Variants in RANBP3 observed in about 807,000 individuals in gnomAD.
RANBP3 encodes the protein RAN binding protein 3, also known as ran-binding protein 3.
A neutral mutation model predicts 77.3 loss-of-function variants in RANBP3; 14 were observed. The observed-to-expected ratio is 0.18, with a 90% CI of 0.12 to 0.28. The LOEUF is 0.28. Ranked by LOEUF, RANBP3 falls within the 10% of genes least tolerant of loss-of-function variation. The pLI is 1.00. For missense variants in RANBP3, 586 were observed against 752.3 expected, an observed-to-expected ratio of 0.78 and a Z score of 2.59; for synonymous variants, 315 against 312.4, an observed-to-expected ratio of 1.01 and a Z score of -0.09.
intron 2 of RANBP3, 115 bp from the exon 3 acceptor site, chr19:5,951,711 C>A (rs2058279030): frequency 5.2e-6 from 5 of 954,058 alleles, no homozygotes; most frequent in Admixed American, 2.2e-5. Flanking sequence ...AGCTCCTGCG[C>A]CTGGGAGGAA....
intron 9 of RANBP3, 32 bp from the exon 10 acceptor site, chr19:5,925,769 G>T (rs768696475): frequency 1.3e-6 from 2 of 1,577,010 alleles, no homozygotes; most frequent in South Asian, 1.1e-5. Flanking sequence ...CAGTAATCGG[G>T]GGTGGGGGGG....
In RANBP3 at chr19:5,978,056, C is replaced by T; in HGVS notation, c.22+5G>A. On this transcript the variant is annotated splice_donor_5th_base_variant and intron_variant, in intron 1 of 16. Transcript: ENST00000340578. ...CCAGCCGGTCCCCAACGGCGCCTCC[C>T]CTACCTTCGTTCGCCAGGTCCGCCA... The T allele has an allele frequency of 6.2e-7, 1 of 1,610,924 alleles. No individual in the cohort carries two copies. The highest frequency in any genetic ancestry group is 8.5e-7 in the Non-Finnish European group (1 of 1,178,786).
chr19:5,976,210 C>G (rs958824366), intron 1 of RANBP3, among the ~76,000 whole-genome samples: 4 of 152,114 alleles, frequency 2.6e-5, no homozygotes, highest in African/African-American at 9.7e-5. Flanking sequence ...ATGGGATGGG[C>G]AGGTGTAGTG....
Position 5,941,847 on chromosome 19 carries a change from A to G in RANBP3, c.283-12T>C. 3 of 1,612,068 alleles carry G rather than the reference A, an allele frequency of 1.9e-6. No individual in the cohort carries two copies. The highest frequency in any genetic ancestry group is 1.1e-5 in the South Asian group (1 of 90,982). ...CCGCCAGCTGACCTCTGAAACAAGGAGCACACAGCCGGGGTCAGAGGGCAT... is the reference window on the plus strand; with the variant it reads ...CCGCCAGCTGACCTCTGAAACAAGGGGCACACAGCCGGGGTCAGAGGGCAT... On this transcript the variant is annotated splice_polypyrimidine_tract_variant and intron_variant, in intron 3 of 16. Coordinates refer to ENST00000340578, the MANE Select transcript of RANBP3 (RefSeq NM_007322.3).
rs776423814 is a variant in RANBP3 at position 5,958,169 on chromosome 19, AATG to A, written c.23-199_23-197del. ...TGCTGGGTTTGTGAAATGCACCCAG[AATG>A]ATGTGACGTGTGCCCTCTGCTGTAT... is the stretch of plus-strand genomic sequence containing the variant. On this transcript the variant is annotated intron_variant, in intron 1 of 16. Coordinates refer to ENST00000340578, the MANE Select transcript of RANBP3 (RefSeq NM_007322.3). The surrounding 1 kb of genome is among the most constrained non-coding windows in gnomAD (Gnocchi z 4.4). Among the ~76,000 whole-genome samples the A allele has an allele frequency of 1.3e-5, 2 of 152,140 alleles. No homozygotes were observed. Among genetic ancestry groups the A allele is most frequent in the East Asian group, 3.9e-4 (2 of 5,180 alleles).
intron 3 of RANBP3, among the ~76,000 whole-genome samples, chr19:5,947,198 C>T (rs1008794121): frequency 6.6e-6 from 1 of 151,796 alleles, no homozygotes; most frequent in African/African-American, 2.4e-5. Flanking sequence ...CCTGTAATCC[C>T]AGCTACTCGG....
chr19:5,918,532 G>A lies in RANBP3; in HGVS notation c.1437C>T (p.Asp479=). 6.2e-7 allele frequency: 1 copy of A among 1,613,354 alleles called. No individual in the cohort carries two copies. Reference sequence around the variant, plus strand: ...AGACCTTCACGCCCTGGTCCTCGGTGTCCATGGCTGTGATGCGAATGCTCT... The same window carrying A: ...AGACCTTCACGCCCTGGTCCTCGGTATCCATGGCTGTGATGCGAATGCTCT... ...SEKSIRITAM[D]TEDQGVKVFL... Residue 479 remains aspartate (D), a synonymous_variant, in exon 15 of 17, where the codon GAC becomes GAT. Coordinates refer to ENST00000340578, the MANE Select transcript of RANBP3 (RefSeq NM_007322.3).
At chr19:5,967,560 G>C (rs1398315447) in intron 1 of RANBP3, among the ~76,000 whole-genome samples, 1 of 152,090 alleles carries the variant, frequency 6.6e-6, no homozygotes, top group Non-Finnish European at 1.5e-5. Flanking sequence ...ACCCCATGAG[G>C]GCCAAGCCAC....
rs2057745097 is a variant in RANBP3 at position 5,916,879 on chromosome 19, G to C, written c.*731C>G. The C allele has an allele frequency of 6.6e-6, 1 of 152,362 alleles. No homozygotes were observed. Among genetic ancestry groups the C allele is most frequent in the Non-Finnish European group, 1.5e-5 (1 of 68,186 alleles). The allele number at this position is 152,362 out of a possible 1,614,324, so 9.4% of individuals were successfully genotyped here. ...CCATGACTTGGCCTGGAGGAACCTG[G>C]GGTGGGAAACAAGTAGTCCCCCAAC... On this transcript the variant is annotated 3_prime_UTR_variant, in exon 17 of 17. Transcript: ENST00000340578.
chr19:5,972,724 C>T (rs1013378865), intron 1 of RANBP3, among the ~76,000 whole-genome samples: 2 of 152,124 alleles, frequency 1.3e-5, no homozygotes, highest in African/African-American at 4.8e-5. Context: ...ACTGTCTGAA[C>T]TCACGTAGGA....
Position 5,916,581 on chromosome 19 carries a change from T to G in RANBP3, c.*1029A>C, listed in dbSNP as rs750608000. ...GACTGCCTGTTCTGGGACCAGCCCC[T>G]GGGCTCTTCCACCAAGATTTGGTGA... is the stretch of plus-strand genomic sequence containing the variant. On this transcript the variant is annotated 3_prime_UTR_variant, in exon 17 of 17. Transcript: ENST00000340578. The G allele has an allele frequency of 2.0e-5, 3 of 152,536 alleles. No individual in the cohort carries two copies. The highest frequency in any genetic ancestry group is 4.4e-5 in the Non-Finnish European group (3 of 68,284). 9.4% of individuals were successfully genotyped at this position (152,536 alleles called of 1,614,324 possible). A position where few individuals can be genotyped will look rare whatever the true frequency, so the allele number is the denominator to read the frequency against.
rs907441346 is a variant in RANBP3, at chr19:5,921,044, G to C, written c.1330+157C>G. On this transcript the variant is annotated intron_variant, in intron 14 of 16. Coordinates refer to ENST00000340578, the MANE Select transcript of RANBP3 (RefSeq NM_007322.3). The surrounding 1 kb of genome is among the most constrained non-coding windows in gnomAD (Gnocchi z 5.3). Reference sequence around the variant, plus strand: ...GGTGTTGAGGGCTGGGTGCAGGGAGGGGGTTTGGGGGGCGGCTCTCATGGG... The same window carrying C: ...GGTGTTGAGGGCTGGGTGCAGGGAGCGGGTTTGGGGGGCGGCTCTCATGGG... 1 of 866,964 alleles carries C rather than the reference G, an allele frequency of 1.2e-6. No individual in the cohort carries two copies. The highest frequency in any genetic ancestry group is 1.7e-5 in the African/African-American group (1 of 57,772). 53.7% of individuals were successfully genotyped at this position (866,964 alleles called of 1,614,324 possible).
chr19:5,941,581 CATAA>C, intron 5 of RANBP3, 36 bp downstream of exon 5: 1 of 1,537,462 alleles, frequency 6.5e-7, no homozygotes, highest in Non-Finnish European at 9.0e-7. Context: ...GGTTTGTAAG[CATAA>C]ACGCTTTCAC....
Position 5,918,524 on chromosome 19 carries a change from T to C in RANBP3, c.1445A>G (p.Asp482Gly). ...GATCAGGAAGACCTTCACGCCCTGGTCCTCGGTGTCCATGGCTGTGATGCG... is the reference window on the plus strand; with the variant it reads ...GATCAGGAAGACCTTCACGCCCTGGCCCTCGGTGTCCATGGCTGTGATGCG... The part of the protein sequence containing the change: ...SIRITAMDTE[D>G]QGVKVFLISA... Residue 482 changes from aspartate to glycine, a missense_variant, in exon 15 of 17, where the codon GAC becomes GGC. Around this residue, in one of 5 missense-constraint regions of RANBP3, gnomAD observed 128 missense variants for 157.0 expected, o/e 0.82. Coordinates refer to ENST00000340578, the MANE Select transcript of RANBP3 (RefSeq NM_007322.3). 1.2e-6 allele frequency: 2 copies of C among 1,611,404 alleles called. No individual in the cohort carries two copies. Among genetic ancestry groups the C allele is most frequent in the Non-Finnish European group, 1.7e-6 (2 of 1,179,244 alleles).
chr19:5,918,483 GTGGC>G lies in RANBP3; in HGVS notation c.1473+9_1473+12del. 6.2e-7 allele frequency: 1 copy of G among 1,600,682 alleles called. No homozygotes were observed. The highest frequency in any genetic ancestry group is 8.5e-7 in the Non-Finnish European group (1 of 1,174,192). ...GATGAGGGGTCCCAGATGCACCCGC[GTGGC>G]TGGCTCACCGAGATCAGGAAGACCT... On this transcript the variant is annotated intron_variant, in intron 15 of 16. Coordinates refer to ENST00000340578, the MANE Select transcript of RANBP3 (RefSeq NM_007322.3).
At position 5,931,508 on chromosome 19, in the gene RANBP3, C is replaced by A. The variant is rs779033327; in HGVS notation, c.589G>T (p.Val197Phe). 60 of 1,611,076 alleles carry A rather than the reference C, an allele frequency of 3.7e-5. No homozygotes were observed. Among genetic ancestry groups the A allele is most frequent in the Non-Finnish European group, 4.8e-5 (57 of 1,178,366 alleles). ...QTVPSSGTNG[V>F]SLPADCTGAV... is the part of the protein sequence containing the mutation. ...CCCGTGCAGTCTGCTGGGAGGCTGA[C>A]CCCGTTGGTGCCACTGCTGGGGACT... The change falls in exon 8 of 17, where the codon GTC (valine) becomes TTC (phenylalanine). Residue 197 changes from valine to phenylalanine, a missense_variant. By Grantham distance (50) the Val-to-Phe change is conservative (BLOSUM62 -1). Around this residue, in one of 5 missense-constraint regions of RANBP3, gnomAD observed 232 missense variants for 271.7 expected, o/e 0.85. Transcript: ENST00000340578.
At chr19:5,918,054 C>T (rs902450620) in intron 15 of RANBP3, 74 bp from the exon 16 acceptor site, 6 of 1,461,736 alleles carry the variant, frequency 4.1e-6, no homozygotes, top group Non-Finnish European at 5.5e-6. Context: ...AACACAAGTG[C>T]CAAGTCCCAA....
At chr19:5,933,126 G>A in intron 6 of RANBP3, 1 of 414,834 alleles carries the variant, frequency 2.4e-6, no homozygotes, top group Non-Finnish European at 4.4e-6. Context: ...CAGACAGGCT[G>A]AACCAAGTGC....
rs138462633 is a variant in RANBP3 at position 5,958,215 on chromosome 19, G to A, written c.23-242C>T. On this transcript the variant is annotated intron_variant, in intron 1 of 16. Transcript: ENST00000340578. This position sits in a 1 kb window ranked among gnomAD's most constrained non-coding sequence, Gnocchi z 4.4. The stretch of plus-strand genomic sequence containing the variant: ...TGCTGTATGCATTTATCATCAATAA[G>A]GAGTTTTCAAGACTCACTGAGAGCG... 7.0e-3 allele frequency among the ~76,000 whole-genome samples: 1,066 copies of A among 152,272 alleles called. 7 individuals are homozygous for A. Among genetic ancestry groups the A allele is most frequent in the Non-Finnish European group, 0.01 (705 of 68,016 alleles).
Sources: allele counts gnomAD v4.1 joint callset (sites outside exome capture counted in the v4.1 genomes callset), GRCh38; gene constraint gnomAD v4.1.1; regional missense constraint gnomAD v4.1.1; non-coding constraint Gnocchi (gnomAD v3.1); transcripts MANE v1.5; gene names NCBI Gene and HGNC (gene_info 2026-07-23, HGNC 2026-07-21).